The following PDE7B variants were observed in gnomAD, a reference collection of about 807,000 sequenced individuals.
The protein encoded by PDE7B is phosphodiesterase 7B, also known as 3',5'-cyclic-AMP phosphodiesterase 7B.
Under a neutral mutation model 56.2 loss-of-function variants are expected in PDE7B, and 29 were observed. That is an observed-to-expected ratio of 0.52 (90% CI 0.38 to 0.70). The LOEUF (loss-of-function observed/expected upper bound fraction) is 0.70. PDE7B is among the 30% of genes least tolerant of loss of function. PDE7B has a pLI of 0.00. For synonymous variants in PDE7B, 197 were observed against 196.9 expected (o/e 1.00, Z 0.00); for missense variants, 490 against 565.0 (o/e 0.87, Z 1.35).
At chr6:136,142,029 T>C (rs987095913) in intron 3 of PDE7B, among the ~76,000 whole-genome samples, 6 of 152,226 alleles carry the variant, frequency 3.9e-5, no homozygotes, top group African/African-American at 1.4e-4. Flanking sequence ...CTTCTCTAGT[T>C]CTTTTAATTG....
chr6:135,866,120 T>C (rs1775256631), intron 1 of PDE7B, among the ~76,000 whole-genome samples: 1 of 152,104 alleles, frequency 6.6e-6, no homozygotes, highest in African/African-American at 2.4e-5. Flanking sequence ...CATTAGAAAA[T>C]TCCAACTGTT....
chr6:136,099,733 C>T (rs1777530000), intron 2 of PDE7B, among the ~76,000 whole-genome samples: 1 of 152,138 alleles, frequency 6.6e-6, no homozygotes, highest in East Asian at 1.9e-4. Context: ...TGCCTGTTCA[C>T]CCTGATGATA....
At chr6:136,126,791 G>C (rs1045046428) in intron 3 of PDE7B, among the ~76,000 whole-genome samples, 1 of 152,102 alleles carries the variant, frequency 6.6e-6, no homozygotes, top group Non-Finnish European at 1.5e-5. Context: ...GTGGACTCTG[G>C]GGACTCGGGG....
chr6:135,985,607 C>G (rs531463348), intron 2 of PDE7B, among the ~76,000 whole-genome samples: 1 of 152,298 alleles, frequency 6.6e-6, no homozygotes, highest in Non-Finnish European at 1.5e-5. Context: ...TGTCATCTAG[C>G]CACATTTCTG....
At chr6:136,160,723 G>C (rs776962921) in intron 8 of PDE7B, among the ~76,000 whole-genome samples, 2 of 152,080 alleles carry the variant, frequency 1.3e-5, no homozygotes, top group Non-Finnish European at 2.9e-5. Context: ...TCCCCGTTCT[G>C]ATCTGACCCC....
intron 9 of PDE7B, among the ~76,000 whole-genome samples, chr6:136,178,676 C>CA (rs2128450961): frequency 6.6e-6 from 1 of 152,336 alleles, no homozygotes; most frequent in African/African-American, 2.4e-5. Context: ...CATGATTCTA[C>CA]AAGTCTTTTG....
chr6:136,100,748 A>T (rs1484967274), intron 2 of PDE7B, among the ~76,000 whole-genome samples: 1 of 152,190 alleles, frequency 6.6e-6, no homozygotes, highest in Non-Finnish European at 1.5e-5. Context: ...TTCCTAATAG[A>T]ATACCTTTAT....
At chr6:136,044,624 C>T (rs1776470677) in intron 2 of PDE7B, 1 of 152,100 alleles carries the variant, frequency 6.6e-6, no homozygotes, top group South Asian at 2.1e-4. Context: ...CTCTCTCTTC[C>T]TATAGAGAAC....
chr6:136,179,606 G>A (rs576087098), intron 10 of PDE7B, among the ~76,000 whole-genome samples: 6 of 152,264 alleles, frequency 3.9e-5, no homozygotes, highest in East Asian at 1.9e-4. Context: ...AAGGTCTACC[G>A]CATTTGGTGG....
intron 2 of PDE7B, among the ~76,000 whole-genome samples, chr6:136,057,972 G>A (rs1776767794): frequency 6.6e-6 from 1 of 152,070 alleles, no homozygotes; most frequent in African/African-American, 2.4e-5. Context: ...CCTGACCTCA[G>A]GTAATCCTTC....
chr6:135,868,669 T>A (rs1032732969), intron 1 of PDE7B, among the ~76,000 whole-genome samples: 1 of 152,178 alleles, frequency 6.6e-6, no homozygotes, highest in South Asian at 2.1e-4. Flanking sequence ...TGATCTCAGG[T>A]GATCTGCCTG....
chr6:135,950,774 C>T (rs946698682), intron 2 of PDE7B, among the ~76,000 whole-genome samples: 1 of 152,086 alleles, frequency 6.6e-6, no homozygotes, highest in Non-Finnish European at 1.5e-5. Context: ...TGGCGAGTCC[C>T]CATATCATTC....
intron 1 of PDE7B, among the ~76,000 whole-genome samples, chr6:135,924,443 A>G (rs1483198153): frequency 6.6e-6 from 1 of 152,120 alleles, no homozygotes; most frequent in Non-Finnish European, 1.5e-5. Context: ...TGTATAGGTG[A>G]GCAGTCTGAG....
intron 10 of PDE7B, among the ~76,000 whole-genome samples, chr6:136,180,952 T>C (rs924206035): frequency 4.6e-5 from 7 of 152,196 alleles, no homozygotes; most frequent in African/African-American, 1.7e-4. Context: ...ATGGCTTTCC[T>C]TGGCCTGCCC....
chr6:135,921,538 A>G (rs1221403532), intron 1 of PDE7B, among the ~76,000 whole-genome samples: 1 of 152,170 alleles, frequency 6.6e-6, no homozygotes, highest in African/African-American at 2.4e-5. Flanking sequence ...AAATTTTCAT[A>G]GCATAATATA....
At chr6:135,854,934 C>T (rs1774998476) in intron 1 of PDE7B, among the ~76,000 whole-genome samples, 1 of 152,156 alleles carries the variant, frequency 6.6e-6, no homozygotes, top group African/African-American at 2.4e-5. Context: ...GTGGTCAAGG[C>T]ATTTATACTT....
At chr6:136,171,372 C>A (rs1017263935) in intron 8 of PDE7B, among the ~76,000 whole-genome samples, 5 of 152,142 alleles carry the variant, frequency 3.3e-5, no homozygotes, top group Non-Finnish European at 7.4e-5. Context: ...GGTTCTCAAA[C>A]CTTAGTGTAC....
chr6:135,997,632 C>T (rs1344368164), intron 2 of PDE7B, among the ~76,000 whole-genome samples: 2 of 151,640 alleles, frequency 1.3e-5, no homozygotes, highest in East Asian at 3.9e-4. Context: ...ATCTACATGC[C>T]TATGAATAGA....
chr6:135,893,986 C>G (rs1323775786), intron 1 of PDE7B, among the ~76,000 whole-genome samples: 1 of 152,142 alleles, frequency 6.6e-6, no homozygotes, highest in African/African-American at 2.4e-5. Context: ...TTTATATATT[C>G]ATGCATAATT....
Sources: allele counts gnomAD v4.1 joint callset (sites outside exome capture counted in the v4.1 genomes callset), GRCh38; gene constraint gnomAD v4.1.1; transcripts MANE v1.5; gene names NCBI Gene and HGNC (gene_info 2026-07-23, HGNC 2026-07-21).